The following SLC16A7 variants were observed in gnomAD, a reference collection of about 807,000 sequenced individuals.
The protein encoded by SLC16A7 is solute carrier family 16 member 7.
A neutral mutation model predicts 34.9 loss-of-function variants in SLC16A7; 33 were observed. The observed-to-expected ratio is 0.94, with a 90% CI of 0.72 to 1.26. SLC16A7 has a LOEUF of 1.26. Ranked by LOEUF, SLC16A7 falls within the 50% of genes most tolerant of loss-of-function variation. The pLI is 0.00. For missense variants in SLC16A7, 573 were observed against 578.1 expected, an observed-to-expected ratio of 0.99 and a Z score of 0.09; for synonymous variants, 201 against 206.6, an observed-to-expected ratio of 0.97 and a Z score of 0.23.
At chr12:59,686,978 C>A (rs767767298) in intron 2 of SLC16A7, among the ~76,000 whole-genome samples, 1 of 151,714 alleles carries the variant, frequency 6.6e-6, no homozygotes, top group Non-Finnish European at 1.5e-5. Context: ...GTGCTATGTA[C>A]GTTAAATACC....
Position 59,785,213 on chromosome 12 carries a change from C to T in SLC16A7, c.*5534C>T, listed in dbSNP as rs1474736950. 6.6e-6 allele frequency: 1 copy of T among 152,058 alleles called. No homozygotes were observed. Among genetic ancestry groups the T allele is most frequent in the Non-Finnish European group, 1.5e-5 (1 of 68,000 alleles). The allele number at this position is 152,058 out of a possible 1,614,324, so 9.4% of individuals were successfully genotyped here. ...TGAGTAATTTTCTGAGCTTATGTCA[C>T]TTTTTTATAGTTCTGATTTTCTCTT... On this transcript the variant is annotated 3_prime_UTR_variant, in exon 6 of 6. Transcript: ENST00000547379.
At chr12:59,707,767 T>C (rs1873756140) in intron 3 of SLC16A7, among the ~76,000 whole-genome samples, 1 of 151,892 alleles carries the variant, frequency 6.6e-6, no homozygotes, top group Non-Finnish European at 1.5e-5. Flanking sequence ...AATATCTAGG[T>C]GAGATCCAAG....
chr12:59,706,580 C>T (rs1873607155), intron 3 of SLC16A7, among the ~76,000 whole-genome samples: 1 of 152,020 alleles, frequency 6.6e-6, no homozygotes, highest in Non-Finnish European at 1.5e-5. Flanking sequence ...CTATGAATCT[C>T]CTTTGGACAG....
At chr12:59,665,324 A>T (rs1869102386) in intron 2 of SLC16A7, among the ~76,000 whole-genome samples, 1 of 152,086 alleles carries the variant, frequency 6.6e-6, no homozygotes. Flanking sequence ...CATTCTGAAA[A>T]TAAGACTAAA....
In SLC16A7 at chr12:59,659,562, G is replaced by A. The variant is rs180809068; in HGVS notation, c.-31+4312G>A. Among the ~76,000 whole-genome samples the A allele has an allele frequency of 2.6e-5, 4 of 152,116 alleles. No homozygotes were observed. In the East Asian group the frequency reaches 7.7e-4, roughly 29 times the overall value. ...TACTCACTATATGTTGCTTAAATTA[G>A]TTAATTAATTAAAAACAAGGAAAAA... On this transcript the variant is annotated intron_variant, in intron 2 of 5. Transcript: ENST00000547379.
At chr12:59,714,258 G>T (rs1874609516) in intron 3 of SLC16A7, among the ~76,000 whole-genome samples, 1 of 152,196 alleles carries the variant, frequency 6.6e-6, no homozygotes, top group Non-Finnish European at 1.5e-5. Flanking sequence ...TACTGGAAAT[G>T]ATCCTGGGCC....
chr12:59,624,537 T>C (rs557786570), intron 1 of SLC16A7, among the ~76,000 whole-genome samples: 1 of 151,908 alleles, frequency 6.6e-6, no homozygotes, highest in African/African-American at 2.4e-5. Context: ...GAAAGTTTGC[T>C]TTTCTCTTTG....
intron 3 of SLC16A7, among the ~76,000 whole-genome samples, chr12:59,711,239 G>T (rs1391045034): frequency 6.6e-6 from 1 of 152,180 alleles, no homozygotes; most frequent in African/African-American, 2.4e-5. Flanking sequence ...GTTCCCAGAA[G>T]AAGGAAGGAT....
At chr12:59,605,750 A>C (rs1332312645) in intron 1 of SLC16A7, among the ~76,000 whole-genome samples, 2 of 152,220 alleles carry the variant, frequency 1.3e-5, no homozygotes, top group Non-Finnish European at 2.9e-5. Context: ...CATCTTCTCT[A>C]TGTAGCCAGT....
At chr12:59,672,788 T>G (rs1869998453) in intron 2 of SLC16A7, among the ~76,000 whole-genome samples, 1 of 151,414 alleles carries the variant, frequency 6.6e-6, no homozygotes, top group Admixed American at 6.6e-5. Flanking sequence ...CAGTTCTGTA[T>G]TACCTATTGC....
intron 1 of SLC16A7, among the ~76,000 whole-genome samples, chr12:59,608,573 T>A (rs1312950778): frequency 6.6e-6 from 1 of 152,218 alleles, no homozygotes; most frequent in Non-Finnish European, 1.5e-5. Context: ...CCTGGCCTCT[T>A]GTGCCATGGG....
chr12:59,749,896 G>A (rs1224816752), intron 3 of SLC16A7, among the ~76,000 whole-genome samples: 2 of 152,278 alleles, frequency 1.3e-5, no homozygotes, highest in East Asian at 3.9e-4. Context: ...TGACTTGATG[G>A]AGATGAAAGT....
chr12:59,720,116 T>C (rs1204266985), intron 3 of SLC16A7: 11 of 699,246 alleles, frequency 1.6e-5, no homozygotes, highest in Non-Finnish European at 2.6e-6. Flanking sequence ...TTCCATCAGT[T>C]GATTGACGTG....
At chr12:59,672,609 A>G (rs1426242014) in intron 2 of SLC16A7, among the ~76,000 whole-genome samples, 2 of 151,986 alleles carry the variant, frequency 1.3e-5, no homozygotes, top group Non-Finnish European at 2.9e-5. Context: ...TATTATTATC[A>G]TCATTTAGGT....
At chr12:59,675,316 G>A (rs77703709) in intron 2 of SLC16A7, among the ~76,000 whole-genome samples, 62 of 152,278 alleles carry the variant, frequency 4.1e-4, no homozygotes, top group Admixed American at 2.2e-3. Flanking sequence ...TAATTAAGTC[G>A]TGATGGTAGC....
Position 59,764,415 on chromosome 12 carries a change from T to C in SLC16A7, c.218-6804T>C, listed in dbSNP as rs1007392817. 5.9e-5 allele frequency among the ~76,000 whole-genome samples: 9 copies of C among 152,050 alleles called. 1 individual carries two copies. The highest frequency in any genetic ancestry group is 3.3e-4 in the Admixed American group (5 of 15,258). On this transcript the variant is annotated intron_variant, in intron 3 of 5. Coordinates refer to ENST00000547379, the MANE Select transcript of SLC16A7 (RefSeq NM_001270623.2). ...GTTACATATGTATACATGTGCCATG[T>C]TGGTGTGCTGCGCCCATTAACTCGT...
At chr12:59,652,081 C>G (rs1354961058) in intron 1 of SLC16A7, among the ~76,000 whole-genome samples, 1 of 151,866 alleles carries the variant, frequency 6.6e-6, no homozygotes, top group Non-Finnish European at 1.5e-5. Context: ...TGCTGATTTT[C>G]TGAAAATTTG....
rs1004774841 is a variant in SLC16A7 at position 59,780,633 on chromosome 12, T to C, written c.*954T>C. The C allele has an allele frequency of 6.6e-6, 1 of 152,154 alleles. No individual in the cohort carries two copies. The highest frequency in any genetic ancestry group is 2.4e-5 in the African/African-American group (1 of 41,456). 9.4% of individuals were successfully genotyped at this position (152,154 alleles called of 1,614,324 possible). A position where few individuals can be genotyped will look rare whatever the true frequency, so the allele number is the denominator to read the frequency against. Reference sequence around the variant, plus strand: ...AAAGTAATAATCAGGGATTTTATTTTAATCAGGCATCAATCCAGATTCACT... The same window carrying C: ...AAAGTAATAATCAGGGATTTTATTTCAATCAGGCATCAATCCAGATTCACT... On this transcript the variant is annotated 3_prime_UTR_variant, in exon 6 of 6. Transcript: ENST00000547379.
chr12:59,750,034 C>G (rs1025763448), intron 3 of SLC16A7, among the ~76,000 whole-genome samples: 1 of 152,224 alleles, frequency 6.6e-6, no homozygotes, highest in African/African-American at 2.4e-5. Flanking sequence ...GAAACTGGAC[C>G]TCTTCTTTAC....
Sources: allele counts gnomAD v4.1 joint callset (sites outside exome capture counted in the v4.1 genomes callset), GRCh38; gene constraint gnomAD v4.1.1; transcripts MANE v1.5; gene names NCBI Gene and HGNC (gene_info 2026-07-23, HGNC 2026-07-21).